The following CCDC92 variants were observed in gnomAD, a reference collection of about 807,000 sequenced individuals.
CCDC92 encodes the protein coiled-coil domain-containing protein 92.
In CCDC92, 12 loss-of-function variants were observed where a neutral mutation model predicts 24.9. The observed-to-expected ratio is 0.48, with a 90% CI of 0.31 to 0.78. The LOEUF is 0.78. Among genes scored for constraint, CCDC92 ranks in the 30% least tolerant of loss-of-function variants. The probability of loss-of-function intolerance (pLI) is 0.05; values close to 1 mark genes in which losing one functional copy is unlikely to be tolerated. For synonymous variants in CCDC92, 193 were observed against 196.3 expected (o/e 0.98, Z 0.14); for missense variants, 399 against 439.4 (o/e 0.91, Z 0.82).
At chr12:123,939,684 A>AT (rs1301964725) in intron 4 of CCDC92, among the ~76,000 whole-genome samples, 9 of 152,130 alleles carry the variant, frequency 5.9e-5, no homozygotes, top group Non-Finnish European at 1.3e-4. Flanking sequence ...CCTAAAAAGG[A>AT]TGCATGCAGT....
At chr12:123,966,488 G>C (rs1384061749) in intron 1 of CCDC92, 6 of 152,196 alleles carry the variant, frequency 3.9e-5, no homozygotes, top group Admixed American at 3.9e-4. Flanking sequence ...GCACTGATGA[G>C]GGTGTCAGTG....
Position 123,937,904 on chromosome 12 carries a change from G to C in CCDC92, c.224-74C>G, listed in dbSNP as rs931726955. The stretch of plus-strand genomic sequence containing the variant: ...CCGAGTGGTGAGGCCTATGGGGCAG[G>C]CGGACCTGTCTGGTGGGGGCCCTGT... On this transcript the variant is annotated intron_variant, in intron 4 of 4. Transcript: ENST00000238156. The surrounding 1 kb of genome is among the most constrained non-coding windows in gnomAD (Gnocchi z 8.4). 6.1e-6 allele frequency: 9 copies of C among 1,468,464 alleles called. No homozygotes were observed. The highest frequency in any genetic ancestry group is 7.3e-6 in the Non-Finnish European group (8 of 1,092,638). 91.0% of individuals were successfully genotyped at this position (1,468,464 alleles called of 1,614,324 possible).
chr12:123,957,529 A>G (rs1161537797), intron 1 of CCDC92, among the ~76,000 whole-genome samples: 2 of 152,174 alleles, frequency 1.3e-5, no homozygotes, highest in African/African-American at 4.8e-5. Context: ...TTTGAGGATA[A>G]CTGTCCTAAC....
intron 1 of CCDC92, among the ~76,000 whole-genome samples, chr12:123,957,473 C>T (rs910897080): frequency 6.6e-6 from 1 of 152,156 alleles, no homozygotes; most frequent in African/African-American, 2.4e-5. Flanking sequence ...CCTGGCTTCT[C>T]AAGGGTGTGA....
chr12:123,959,552 G>A (rs1321761512), intron 1 of CCDC92, among the ~76,000 whole-genome samples: 2 of 152,110 alleles, frequency 1.3e-5, no homozygotes, highest in Non-Finnish European at 2.9e-5. Context: ...TGATCTGCCC[G>A]CCTTGGCCTC....
rs892132317 is a variant in CCDC92 at position 123,935,811 on chromosome 12, T to C, written c.*1247A>G. On this transcript the variant is annotated 3_prime_UTR_variant, in exon 5 of 5. Coordinates refer to ENST00000238156, the MANE Select transcript of CCDC92 (RefSeq NM_025140.3). ...ATAGCATTGGCACAAGTGAGAATCC[T>C]AATGTAATTTCCAAAGGTGTGTTTT... 3.6e-5 allele frequency: 8 copies of C among 220,342 alleles called. No individual in the cohort carries two copies. Among genetic ancestry groups the C allele is most frequent in the Non-Finnish European group, 5.4e-5 (6 of 111,330 alleles). 13.6% of individuals were successfully genotyped at this position (220,342 alleles called of 1,614,324 possible).
Position 123,937,962 on chromosome 12 carries a change from T to A in CCDC92, c.224-132A>T. On this transcript the variant is annotated intron_variant, in intron 4 of 4. Coordinates refer to ENST00000238156, the MANE Select transcript of CCDC92 (RefSeq NM_025140.3). This position sits in a 1 kb window ranked among gnomAD's most constrained non-coding sequence, Gnocchi z 8.4. ...GTGGGGGCCATGCAGAAGGCAGGGCTGTGGGGGCTCTGGAAAGACCCCTCC... is the reference window on the plus strand; with the variant it reads ...GTGGGGGCCATGCAGAAGGCAGGGCAGTGGGGGCTCTGGAAAGACCCCTCC... 4 of 903,938 alleles carry A rather than the reference T, an allele frequency of 4.4e-6. No homozygotes were observed. Among genetic ancestry groups the A allele is most frequent in the Non-Finnish European group, 3.3e-6 (2 of 601,246 alleles). 56.0% of individuals were successfully genotyped at this position (903,938 alleles called of 1,614,324 possible). A position where few individuals can be genotyped will look rare whatever the true frequency, so the allele number is the denominator to read the frequency against.
chr12:123,972,623 G>A lies in CCDC92; in HGVS notation c.-154C>T, dbSNP rs1195686709. 1 of 137,660 alleles carries A rather than the reference G, an allele frequency of 7.3e-6. No individual in the cohort carries two copies. Among genetic ancestry groups the A allele is most frequent in the Non-Finnish European group, 1.5e-5 (1 of 66,386 alleles). The allele number at this position is 137,660 out of a possible 1,614,324, so 8.5% of individuals were successfully genotyped here. A position where few individuals can be genotyped will look rare whatever the true frequency, so the allele number is the denominator to read the frequency against. ...GTGGGGGCCCGTGGCCCATGGGCTG[G>A]GCGGGGCGCGGCGGGCGGGGCTGCC... On this transcript the variant is annotated 5_prime_UTR_variant, in exon 1 of 5. Coordinates refer to ENST00000238156, the MANE Select transcript of CCDC92 (RefSeq NM_025140.3).
intron 1 of CCDC92, among the ~76,000 whole-genome samples, chr12:123,954,917 TAC>T (rs1345305265): frequency 6.6e-6 from 1 of 152,178 alleles, no homozygotes; most frequent in Non-Finnish European, 1.5e-5. Context: ...GCGATGCCCA[TAC>T]AGTGTCAACT....
rs773368767 is a variant in CCDC92, at chr12:123,937,028, T to C, written c.*30A>G. On this transcript the variant is annotated 3_prime_UTR_variant, in exon 5 of 5. Transcript: ENST00000238156. The surrounding 1 kb of genome is among the most constrained non-coding windows in gnomAD (Gnocchi z 8.4). Reference sequence around the variant, plus strand: ...ATTTCCCAGTGGTGCTCACAGTGCATGGACAGCGCGGGGTGGGGCACGGCG... The same window carrying C: ...ATTTCCCAGTGGTGCTCACAGTGCACGGACAGCGCGGGGTGGGGCACGGCG... 4.3e-6 allele frequency: 7 copies of C among 1,612,144 alleles called. No homozygotes were observed. Among genetic ancestry groups the C allele is most frequent in the Non-Finnish European group, 5.9e-6 (7 of 1,179,390 alleles).
At chr12:123,962,095 T>G (rs969157279) in intron 1 of CCDC92, among the ~76,000 whole-genome samples, 1 of 152,202 alleles carries the variant, frequency 6.6e-6, no homozygotes, top group African/African-American at 2.4e-5. Flanking sequence ...GCTTCTCAGG[T>G]CTACTCTTTC....
At chr12:123,947,997 A>G (rs890432307) in intron 1 of CCDC92, among the ~76,000 whole-genome samples, 92 of 152,196 alleles carry the variant, frequency 6.0e-4, no homozygotes, top group African/African-American at 2.2e-3. Context: ...GAACATCAGA[A>G]GGAACAAACT....
At chr12:123,947,306 T>C (rs903774037) in intron 1 of CCDC92, among the ~76,000 whole-genome samples, 1 of 152,074 alleles carries the variant, frequency 6.6e-6, no homozygotes, top group Non-Finnish European at 1.5e-5. Flanking sequence ...TGCTCCATGG[T>C]GCCCAATCCC....
chr12:123,966,984 C>A lies in CCDC92; in HGVS notation c.-60+5545G>T, dbSNP rs2138207002. 2.0e-5 allele frequency among the ~76,000 whole-genome samples: 3 copies of A among 152,272 alleles called. 1 individual carries two copies. In the South Asian group the frequency reaches 6.2e-4, roughly 32 times the overall value. ...ATTTATTTTGTCTCTCCCCTAAAAA[C>A]CTGCCTTTGCCCTCAAACAATATGG... On this transcript the variant is annotated intron_variant, in intron 1 of 4. Transcript: ENST00000238156.
chr12:123,943,560 C>T lies in CCDC92; in HGVS notation c.35-67G>A, dbSNP rs1388412008. 4 of 1,585,222 alleles carry T rather than the reference C, an allele frequency of 2.5e-6. No individual in the cohort carries two copies. The East Asian group carries it at 9.0e-5, about 35-fold the overall frequency. On this transcript the variant is annotated intron_variant, in intron 2 of 4. Transcript: ENST00000238156. The stretch of plus-strand genomic sequence containing the variant: ...TCCCAGGGCTGCCTGCCCTCCTTGG[C>T]TCTGGGTGCAGAGGGGTGTGCGCCT...
At position 123,937,943 on chromosome 12, in the gene CCDC92, GC is replaced by G; in HGVS notation, c.224-114del. 2 of 1,108,404 alleles carry G rather than the reference GC, an allele frequency of 1.8e-6. No individual in the cohort carries two copies. The highest frequency in any genetic ancestry group is 2.6e-6 in the Non-Finnish European group (2 of 778,438). The allele number at this position is 1,108,404 out of a possible 1,614,324, so 68.7% of individuals were successfully genotyped here. A position where few individuals can be genotyped will look rare whatever the true frequency, so the allele number is the denominator to read the frequency against. On this transcript the variant is annotated intron_variant, in intron 4 of 4. Coordinates refer to ENST00000238156, the MANE Select transcript of CCDC92 (RefSeq NM_025140.3). The surrounding 1 kb of genome is among the most constrained non-coding windows in gnomAD (Gnocchi z 8.4). ...TGGGGGCCCTGTCTAGGCTGTGGGG[GC>G]CATGCAGAAGGCAGGGCTGTGGGGG...
At position 123,942,729 on chromosome 12, in the gene CCDC92, GGGA is replaced by G. The variant is rs1955723898; in HGVS notation, c.223+12_223+14del. On this transcript the variant is annotated intron_variant, in intron 4 of 4. Transcript: ENST00000238156. ...GGAAACCTACTGTCATTTACTTCTG[GGGA>G]GGAGTTCTTACCTGTCTGTTCCGAA... The G allele has an allele frequency of 1.2e-6, 2 of 1,600,094 alleles. No homozygotes were observed. The highest frequency in any genetic ancestry group is 1.3e-5 in the African/African-American group (1 of 74,774).
intron 4 of CCDC92, among the ~76,000 whole-genome samples, chr12:123,942,084 C>CCAAA (rs1955701867): frequency 6.6e-6 from 1 of 152,212 alleles, no homozygotes; most frequent in African/African-American, 2.4e-5. Context: ...TCAGCACTTT[C>CCAAA]CAAACACCCA....
At chr12:123,969,931 ATAAAGT>A (rs1347625705) in intron 1 of CCDC92, 5 of 152,320 alleles carry the variant, frequency 3.3e-5, no homozygotes, top group African/African-American at 4.8e-5. Flanking sequence ...ATTGTAGAAA[ATAAAGT>A]TAAAGAAAGA....
Sources: allele counts gnomAD v4.1 joint callset (sites outside exome capture counted in the v4.1 genomes callset), GRCh38; gene constraint gnomAD v4.1.1; non-coding constraint Gnocchi (gnomAD v3.1); transcripts MANE v1.5; gene names NCBI Gene and HGNC (gene_info 2026-07-23, HGNC 2026-07-21).